The following OTOGL variants were observed in gnomAD, a reference collection of about 807,000 sequenced individuals.
The protein encoded by OTOGL is otogelin-like protein.
Under a neutral mutation model 318.5 loss-of-function variants are expected in OTOGL, and 285 were observed. That is an observed-to-expected ratio of 0.89 (90% CI 0.81 to 0.99). OTOGL has a LOEUF of 0.99. OTOGL is among the 50% of genes least tolerant of loss of function. The pLI is 0.00. For missense variants in OTOGL, 2,899 were observed against 2,845.6 expected, an observed-to-expected ratio of 1.02 and a Z score of -0.43; for synonymous variants, 987 against 936.5, an observed-to-expected ratio of 1.05 and a Z score of -0.99.
At chr12:80,226,180 A>ACG (rs1878823435) in intron 7 of OTOGL, among the ~76,000 whole-genome samples, 1 of 60,036 alleles carries the variant, frequency 1.7e-5, no homozygotes, top group Non-Finnish European at 3.4e-5. Flanking sequence ...TGCTCCTAAC[A>ACG]CACACACACA....
intron 28 of OTOGL, among the ~76,000 whole-genome samples, chr12:80,303,105 T>C (rs2137739864): frequency 6.6e-6 from 1 of 152,354 alleles, no homozygotes; most frequent in South Asian, 2.1e-4. Flanking sequence ...TTCCATGTTT[T>C]CCTCCACATT....
intron 26 of OTOGL, among the ~76,000 whole-genome samples, chr12:80,292,953 A>G (rs1177347932): frequency 1.3e-5 from 2 of 152,234 alleles, no homozygotes; most frequent in Non-Finnish European, 2.9e-5. Flanking sequence ...AGTTAGTTTG[A>G]GGCCAAAAGA....
At chr12:80,125,926 C>T (rs1396197226) in intron 1 of OTOGL, among the ~76,000 whole-genome samples, 3 of 151,918 alleles carry the variant, frequency 2.0e-5, no homozygotes, top group Non-Finnish European at 4.4e-5. Context: ...TGATTCTTCT[C>T]TCTTTTCTTC....
rs1438541162 is a variant in OTOGL, at chr12:80,181,205, T to A, written c.-19-28208T>A. On this transcript the variant is annotated intron_variant, in intron 1 of 58. Transcript: ENST00000547103. ...AAAAACCAATTAGCATACTTTTTTT[T>A]ATTTATTGTATAAATTATTTTAGTT... 3.3e-5 allele frequency among the ~76,000 whole-genome samples: 5 copies of A among 152,228 alleles called. No individual in the cohort carries two copies. In the East Asian group the frequency reaches 5.8e-4, roughly 18 times the overall value.
intron 38 of OTOGL, among the ~76,000 whole-genome samples, chr12:80,333,390 A>G (rs905862987): frequency 6.6e-6 from 1 of 151,602 alleles, no homozygotes; most frequent in African/African-American, 2.4e-5. Flanking sequence ...CATCTACTTG[A>G]TGTCAGCCAC....
intron 11 of OTOGL, among the ~76,000 whole-genome samples, chr12:80,242,666 C>A (rs971457351): frequency 1.3e-5 from 2 of 152,034 alleles, no homozygotes; most frequent in Non-Finnish European, 2.9e-5. Flanking sequence ...CAACACACAT[C>A]TTTTGAGTAT....
chr12:80,253,102 G>T (rs926199389), intron 13 of OTOGL, among the ~76,000 whole-genome samples: 1 of 152,152 alleles, frequency 6.6e-6, no homozygotes, highest in African/African-American at 2.4e-5. Flanking sequence ...CTGTGTGACA[G>T]TGTAAATCTT....
intron 1 of OTOGL, among the ~76,000 whole-genome samples, chr12:80,102,417 C>T (rs1288535431): frequency 2.6e-5 from 4 of 152,144 alleles, no homozygotes; most frequent in African/African-American, 7.2e-5. Flanking sequence ...ATGCAATTGC[C>T]TAGTAGTCCA....
intron 11 of OTOGL, among the ~76,000 whole-genome samples, chr12:80,243,688 T>C (rs935928388): frequency 2.7e-4 from 41 of 151,218 alleles, no homozygotes; most frequent in African/African-American, 9.2e-4. Context: ...ATAAAAAATA[T>C]GCTAAATAAA....
chr12:80,346,137 G>A (rs1483424267), intron 44 of OTOGL, among the ~76,000 whole-genome samples: 5 of 151,868 alleles, frequency 3.3e-5, no homozygotes, highest in Non-Finnish European at 5.9e-5. Flanking sequence ...AGATAGGCAG[G>A]GTGTATTTCT....
At chr12:80,144,437 T>G (rs2137149137) in intron 1 of OTOGL, among the ~76,000 whole-genome samples, 1 of 150,148 alleles carries the variant, frequency 6.7e-6, no homozygotes, top group South Asian at 2.1e-4. Context: ...TGCCACATTT[T>G]CTTAATCCGG....
In OTOGL at chr12:80,171,685, A is replaced by G. The variant is rs113501868; in HGVS notation, c.-19-37728A>G. Among the ~76,000 whole-genome samples, 450 of 152,234 alleles carry G rather than the reference A, an allele frequency of 3.0e-3. 1 individual carries two copies. The highest frequency in any genetic ancestry group is 7.2e-3 in the African/African-American group (298 of 41,540). ...TAAATTTTACCATCAGCTTGTTTAT[A>G]TCTACCAAACTTCTCCTGGGTTTTT... On this transcript the variant is annotated intron_variant, in intron 1 of 58. Coordinates refer to ENST00000547103, the MANE Select transcript of OTOGL (RefSeq NM_001378609.3).
At chr12:80,340,594 A>G (rs2137935349) in intron 43 of OTOGL, among the ~76,000 whole-genome samples, 1 of 152,262 alleles carries the variant, frequency 6.6e-6, no homozygotes, top group Middle Eastern at 3.4e-3. Flanking sequence ...AGCGCTGCAG[A>G]GAGAGGGCTA....
chr12:80,192,504 T>C (rs552844006), intron 1 of OTOGL, among the ~76,000 whole-genome samples: 3 of 152,352 alleles, frequency 2.0e-5, no homozygotes, highest in African/African-American at 4.8e-5. Flanking sequence ...TTGCCCTCCA[T>C]GTGGTTAAAA....
chr12:80,232,953 G>C lies in OTOGL; in HGVS notation c.673G>C (p.Val225Leu). The change falls in exon 9 of 59, where the codon GTG becomes CTG. Residue 225 changes from valine (V) to leucine (L), a missense_variant. Physicochemically the swap from Val to Leu is conservative, Grantham distance 32. Around this residue, in one of 3 missense-constraint regions of OTOGL, gnomAD observed 2,607 missense variants for 2,524.9 expected, o/e 1.03. Transcript: ENST00000547103. ...FIEKLADYILVKTTFGFSLAW... is the reference protein window; with the variant it reads ...FIEKLADYILLKTTFGFSLAW... ...TGAGAAACTAGCTGACTACATTCTT[G>C]TGAAAACAACCTTTGGCTTTTCATT... The C allele has an allele frequency of 6.3e-7, 1 of 1,599,270 alleles. No individual in the cohort carries two copies. Among genetic ancestry groups the C allele is most frequent in the East Asian group, 2.2e-5 (1 of 44,870 alleles).
intron 26 of OTOGL, among the ~76,000 whole-genome samples, chr12:80,279,642 A>G (rs1884070643): frequency 6.6e-6 from 1 of 151,708 alleles, no homozygotes; most frequent in Admixed American, 6.6e-5. Context: ...ATGGCCATGT[A>G]ATATTCCATG....
intron 1 of OTOGL, among the ~76,000 whole-genome samples, chr12:80,158,928 C>T (rs1171343031): frequency 6.6e-6 from 1 of 151,996 alleles, no homozygotes; most frequent in Non-Finnish European, 1.5e-5. Flanking sequence ...AGAGGGAATG[C>T]TTTAAACTTT....
chr12:80,378,999 A>G lies in OTOGL; in HGVS notation c.*951A>G, dbSNP rs1891330448. 1 of 152,456 alleles carries G rather than the reference A, an allele frequency of 6.6e-6. No individual in the cohort carries two copies. The highest frequency in any genetic ancestry group is 2.1e-4 in the South Asian group (1 of 4,834). The allele number at this position is 152,456 out of a possible 1,614,324, so 9.4% of individuals were successfully genotyped here. On this transcript the variant is annotated 3_prime_UTR_variant, in exon 59 of 59. Coordinates refer to ENST00000547103, the MANE Select transcript of OTOGL (RefSeq NM_001378609.3). ...TATTTAATTTTGAGGATGTACTTGC[A>G]TACTGTTGAAGTTGAGTGCTGTTTT...
chr12:80,280,442 G>T (rs934144890), intron 26 of OTOGL, among the ~76,000 whole-genome samples: 1 of 139,668 alleles, frequency 7.2e-6, no homozygotes, highest in African/African-American at 2.5e-5. Flanking sequence ...TTACTTTTAA[G>T]TCTTTAATCC....
Sources: gnomAD v4.1 joint callset for allele counts (sites outside exome capture counted in the v4.1 genomes callset) on GRCh38, gnomAD v4.1.1 for gene constraint, gnomAD v4.1.1 regional missense constraint, MANE v1.5 for transcripts, NCBI Gene and HGNC (gene_info 2026-07-23, HGNC 2026-07-21) for gene names.